Variants in RPH3AL observed in about 807,000 individuals in gnomAD.
RPH3AL encodes rabphilin 3A like (without C2 domains).
A neutral mutation model predicts 43.1 loss-of-function variants in RPH3AL; 38 were observed. The observed-to-expected ratio is 0.88, with a 90% CI of 0.68 to 1.15. The LOEUF (loss-of-function observed/expected upper bound fraction) is 1.15, where lower values mean the gene tolerates loss of function less well. Ranked by LOEUF, RPH3AL falls within the 50% of genes most tolerant of loss-of-function variation. The pLI is 0.00. For missense variants in RPH3AL, 462 were observed against 423.2 expected, an observed-to-expected ratio of 1.09 and a Z score of -0.81; for synonymous variants, 189 against 176.3, an observed-to-expected ratio of 1.07 and a Z score of -0.57.
intron 5 of RPH3AL, among the ~76,000 whole-genome samples, chr17:316,667 C>G (rs575482848): frequency 6.6e-6 from 1 of 150,732 alleles, no homozygotes. Context: ...TGCTCCACCT[C>G]CATTGACCTG....
chr17:294,472 C>G (rs2043122348), intron 5 of RPH3AL, among the ~76,000 whole-genome samples: 1 of 152,182 alleles, frequency 6.6e-6, no homozygotes, highest in South Asian at 2.1e-4. Context: ...AAAAGGCCAA[C>G]CTGAGTGGAC....
intron 7 of RPH3AL, 86 bp from the exon 8 acceptor site, chr17:219,822 C>G: frequency 2.1e-6 from 2 of 937,690 alleles, no homozygotes; most frequent in South Asian, 2.6e-5. Flanking sequence ...CAGGCCTCCC[C>G]AGCTCATTAC....
chr17:237,872 G>A (rs1314383652), intron 7 of RPH3AL, among the ~76,000 whole-genome samples: 1 of 152,216 alleles, frequency 6.6e-6, no homozygotes, highest in Non-Finnish European at 1.5e-5. Flanking sequence ...AGCAGGCCGG[G>A]TGCGGTGGCT....
intron 2 of RPH3AL, chr17:331,931 G>C: frequency 1.6e-6 from 2 of 1,221,516 alleles, no homozygotes; most frequent in Non-Finnish European, 2.2e-6. Context: ...CTTATAGAAG[G>C]TGAGTGGAAA....
At chr17:282,161 C>T (rs944592963) in intron 5 of RPH3AL, among the ~76,000 whole-genome samples, 7 of 152,202 alleles carry the variant, frequency 4.6e-5, no homozygotes, top group Admixed American at 1.3e-4. Context: ...ACAACACAGA[C>T]GCCCAATGCC....
At chr17:297,155 C>T (rs1287544516) in intron 5 of RPH3AL, among the ~76,000 whole-genome samples, 1 of 152,222 alleles carries the variant, frequency 6.6e-6, no homozygotes, top group African/African-American at 2.4e-5. Context: ...TATAGCTGAA[C>T]ACGTGGAGGT....
At chr17:344,405 A>C (rs1238059600) in intron 1 of RPH3AL, among the ~76,000 whole-genome samples, 1 of 131,200 alleles carries the variant, frequency 7.6e-6, no homozygotes, top group Non-Finnish European at 1.7e-5. Flanking sequence ...CATCATCACC[A>C]TCATCACCCA....
chr17:309,447 G>A (rs2043580210), intron 5 of RPH3AL, among the ~76,000 whole-genome samples: 1 of 150,024 alleles, frequency 6.7e-6, no homozygotes, highest in Non-Finnish European at 1.5e-5. Context: ...CCGGGATACG[G>A]CACATCCCTT....
In RPH3AL at chr17:213,653, T is replaced by C; in HGVS notation, c.*199A>G. ...GGCTGAGGGCAGTGGTTGGAGGGGG[T>C]GGCGGATGCAGACAGCTCCCCAGGA... On this transcript the variant is annotated 3_prime_UTR_variant, in exon 10 of 10. Coordinates refer to ENST00000331302, the MANE Select transcript of RPH3AL (RefSeq NM_006987.4). 1 of 602,568 alleles carries C rather than the reference T, an allele frequency of 1.7e-6. No individual in the cohort carries two copies. Among genetic ancestry groups the C allele is most frequent in the Admixed American group, 2.7e-5 (1 of 36,572 alleles). The allele number at this position is 602,568 out of a possible 1,614,324, so 37.3% of individuals were successfully genotyped here.
At chr17:278,439 C>T (rs1436180778) in intron 6 of RPH3AL, among the ~76,000 whole-genome samples, 1 of 152,188 alleles carries the variant, frequency 6.6e-6, no homozygotes, top group East Asian at 1.9e-4. Flanking sequence ...CCCAACTTAA[C>T]TCAAGTCACA....
intron 5 of RPH3AL, among the ~76,000 whole-genome samples, chr17:317,014 A>C (rs1357621649): frequency 2.2e-5 from 3 of 133,460 alleles, no homozygotes; most frequent in Non-Finnish European, 3.1e-5. Context: ...ATTGACCTGT[A>C]GTCTCTGTGC....
Position 319,487 on chromosome 17 carries a change from C to T in RPH3AL, c.284G>A (p.Cys95Tyr), listed in dbSNP as rs1331062658. 29 of 1,612,560 alleles carry T rather than the reference C, an allele frequency of 1.8e-5. No homozygotes were observed. Among genetic ancestry groups the T allele is most frequent in the Non-Finnish European group, 2.2e-5 (26 of 1,179,978 alleles). The stretch of plus-strand genomic sequence containing the variant: ...GCCCAGCACCTCCCCGCAGAGCAGA[C>T]ACTGGGACAGGCCGTTCCCCATCAC... ...RNVMGNGLSQ[C>Y]LLCGEVLGFL... Residue 95 changes from cysteine (C) to tyrosine (Y), a missense_variant, in exon 5 of 10, where the codon TGT (cysteine) becomes TAT (tyrosine). Coordinates refer to ENST00000331302, the MANE Select transcript of RPH3AL (RefSeq NM_006987.4).
chr17:317,525 T>G (rs1330550237), intron 5 of RPH3AL, among the ~76,000 whole-genome samples: 1 of 152,056 alleles, frequency 6.6e-6, no homozygotes, highest in Non-Finnish European at 1.5e-5. Flanking sequence ...CCACCTCCAT[T>G]GACCTGAAGT....
chr17:232,799 C>T (rs75224243), intron 7 of RPH3AL, among the ~76,000 whole-genome samples: 2 of 151,332 alleles, frequency 1.3e-5, no homozygotes, highest in Non-Finnish European at 2.9e-5. Context: ...ACAACTCCCC[C>T]CTTCCTTGTC....
chr17:339,425 A>T (rs1293030368), intron 1 of RPH3AL: 1 of 152,074 alleles, frequency 6.6e-6, no homozygotes. Flanking sequence ...CCCCAAGTTA[A>T]CAAACATCCC....
rs1283284800 is a variant in RPH3AL at position 290,505 on chromosome 17, G to T, written c.352-8651C>A. On this transcript the variant is annotated intron_variant, in intron 5 of 9. Coordinates refer to ENST00000331302, the MANE Select transcript of RPH3AL (RefSeq NM_006987.4). The surrounding 1 kb of genome is among the most constrained non-coding windows in gnomAD (Gnocchi z 4.2). The stretch of plus-strand genomic sequence containing the variant: ...CAGACCCGTCCCAAGGCCTGATCAG[G>T]CACCTTCCTCAATGTCCTTCTTATC... Among the ~76,000 whole-genome samples, 1 of 152,148 alleles carries T rather than the reference G, an allele frequency of 6.6e-6. No individual in the cohort carries two copies.
chr17:236,673 C>T (rs1387563980), intron 7 of RPH3AL, among the ~76,000 whole-genome samples: 1 of 152,246 alleles, frequency 6.6e-6, no homozygotes, highest in Non-Finnish European at 1.5e-5. Flanking sequence ...GCGGCCTCGC[C>T]AGCCTTCGTC....
At chr17:339,232 T>C (rs952968241) in intron 1 of RPH3AL, 3 of 152,276 alleles carry the variant, frequency 2.0e-5, no homozygotes, top group Non-Finnish European at 4.4e-5. Context: ...ACACTACCCA[T>C]TCTCCTGGCA....
At chr17:282,199 C>T (rs987690186) in intron 5 of RPH3AL, among the ~76,000 whole-genome samples, 38 of 152,224 alleles carry the variant, frequency 2.5e-4, no homozygotes, top group African/African-American at 9.2e-4. Flanking sequence ...AACACGACAG[C>T]ACGTGATCTG....
Sources: allele counts gnomAD v4.1 joint callset (sites outside exome capture counted in the v4.1 genomes callset), GRCh38; gene constraint gnomAD v4.1.1; non-coding constraint Gnocchi (gnomAD v3.1); transcripts MANE v1.5; gene names NCBI Gene and HGNC (gene_info 2026-07-23, HGNC 2026-07-21).